NLGN1: variants seen among roughly 807,000 people sequenced by gnomAD.
The protein encoded by NLGN1 is neuroligin 1.
Under a neutral mutation model 65.5 loss-of-function variants are expected in NLGN1, and 12 were observed. That is an observed-to-expected ratio of 0.18 (90% CI 0.12 to 0.30). The LOEUF (loss-of-function observed/expected upper bound fraction) is 0.30. Among genes scored for constraint, NLGN1 ranks in the 10% least tolerant of loss-of-function variants. The pLI is 1.00. For synonymous variants in NLGN1, 350 were observed against 359.5 expected (o/e 0.97, Z 0.30); for missense variants, 750 against 1,007.1 (o/e 0.74, Z 3.46).
chr3:173,701,715 A>G (rs1767192453), intron 3 of NLGN1, among the ~76,000 whole-genome samples: 6 of 152,194 alleles, frequency 3.9e-5, no homozygotes, highest in Admixed American at 3.9e-4. Flanking sequence ...CACAGCCTTA[A>G]GCTTATGCCT....
intron 4 of NLGN1, chr3:174,136,306 AG>A (rs1264921969): frequency 1.3e-5 from 2 of 152,156 alleles, no homozygotes; most frequent in African/African-American, 4.8e-5. Flanking sequence ...CAGATACTGT[AG>A]GAAATAACTA....
intron 4 of NLGN1, among the ~76,000 whole-genome samples, chr3:173,816,738 T>C (rs1312445886): frequency 6.6e-6 from 1 of 152,236 alleles, no homozygotes; most frequent in Non-Finnish European, 1.5e-5. Flanking sequence ...TTATACTTCA[T>C]AGACATCAAA....
intron 4 of NLGN1, among the ~76,000 whole-genome samples, chr3:174,043,808 T>C (rs1166045804): frequency 1.3e-5 from 2 of 152,198 alleles, no homozygotes; most frequent in Non-Finnish European, 2.9e-5. Flanking sequence ...ACAGCTGCAG[T>C]AGGCAGTGTC....
chr3:174,003,455 C>T (rs1723707893), intron 4 of NLGN1, among the ~76,000 whole-genome samples: 1 of 152,080 alleles, frequency 6.6e-6, no homozygotes, highest in African/African-American at 2.4e-5. Context: ...ATTGTACACA[C>T]ATTAAAATTT....
intron 4 of NLGN1, among the ~76,000 whole-genome samples, chr3:174,083,960 A>G (rs1742769715): frequency 6.6e-6 from 1 of 152,320 alleles, no homozygotes; most frequent in African/African-American, 2.4e-5. Flanking sequence ...CTGTAGAGGG[A>G]TAAACAGCCT....
At chr3:174,046,053 A>G (rs1733510132) in intron 4 of NLGN1, among the ~76,000 whole-genome samples, 1 of 152,210 alleles carries the variant, frequency 6.6e-6, no homozygotes, top group Non-Finnish European at 1.5e-5. Flanking sequence ...TAGTGTTTCA[A>G]TAATGACCTA....
At chr3:173,597,748 A>C (rs1373735962) in intron 2 of NLGN1, among the ~76,000 whole-genome samples, 5 of 151,786 alleles carry the variant, frequency 3.3e-5, no homozygotes, top group African/African-American at 1.2e-4. Flanking sequence ...CATACACAAA[A>C]ATAGACACTA....
intron 3 of NLGN1, chr3:173,695,538 A>T (rs981094273): frequency 5.7e-6 from 2 of 350,794 alleles, no homozygotes; most frequent in African/African-American, 2.2e-5. Context: ...CAAATTTTTT[A>T]TCTTACTATT....
chr3:174,196,436 A>G (rs1733430440), intron 4 of NLGN1, among the ~76,000 whole-genome samples: 1 of 152,276 alleles, frequency 6.6e-6, no homozygotes, highest in Non-Finnish European at 1.5e-5. Flanking sequence ...GTTAAAATCT[A>G]TTTTCAAAAG....
chr3:173,756,154 T>A (rs1471546324), intron 3 of NLGN1, among the ~76,000 whole-genome samples: 1 of 4,716 alleles, frequency 2.1e-4, no homozygotes, highest in East Asian at 0.25. Context: ...ATTTACACAT[T>A]TTTTTTGTAT....
At chr3:173,982,126 T>C (rs895850571) in intron 4 of NLGN1, among the ~76,000 whole-genome samples, 4 of 152,108 alleles carry the variant, frequency 2.6e-5, no homozygotes, top group Non-Finnish European at 5.9e-5. Flanking sequence ...CTTATGAATA[T>C]AAGATGAAAT....
At chr3:173,753,928 CATAAT>C (rs1553836499) in intron 3 of NLGN1, among the ~76,000 whole-genome samples, 9 of 96,562 alleles carry the variant, frequency 9.3e-5, no homozygotes, top group African/African-American at 4.3e-4. Context: ...CCAGTATCTA[CATAAT>C]ATAATATAAT....
At chr3:173,684,207 A>C (rs1237936416) in intron 3 of NLGN1, among the ~76,000 whole-genome samples, 1 of 152,196 alleles carries the variant, frequency 6.6e-6, no homozygotes, top group East Asian at 1.9e-4. Flanking sequence ...AAGACACAGT[A>C]AGTTTTTTTA....
intron 4 of NLGN1, among the ~76,000 whole-genome samples, chr3:173,841,184 A>T (rs1253205148): frequency 6.6e-6 from 1 of 152,076 alleles, no homozygotes; most frequent in Non-Finnish European, 1.5e-5. Flanking sequence ...TACTAGTCAA[A>T]TGTGACAATT....
chr3:174,171,988 A>G (rs1277980103), intron 4 of NLGN1, among the ~76,000 whole-genome samples: 1 of 152,146 alleles, frequency 6.6e-6, no homozygotes, highest in East Asian at 1.9e-4. Context: ...AAATTCTAAT[A>G]TAATCCTTAG....
chr3:174,002,484 C>T (rs1723494152), intron 4 of NLGN1, among the ~76,000 whole-genome samples: 1 of 152,152 alleles, frequency 6.6e-6, no homozygotes, highest in Non-Finnish European at 1.5e-5. Context: ...TACTTAATGA[C>T]TTGTAATCAG....
At chr3:174,217,435 C>A (rs1388442233) in intron 4 of NLGN1, among the ~76,000 whole-genome samples, 1 of 152,112 alleles carries the variant, frequency 6.6e-6, no homozygotes, top group Non-Finnish European at 1.5e-5. Flanking sequence ...TTATTTCTCA[C>A]AGTTCTAGAG....
Position 174,195,458 on chromosome 3 carries a change from C to T in NLGN1, c.647-79857C>T, listed in dbSNP as rs189676092. 1.3e-3 allele frequency among the ~76,000 whole-genome samples: 193 copies of T among 152,078 alleles called. 2 individuals are homozygous for T. The highest frequency in any genetic ancestry group is 4.2e-3 in the African/African-American group (175 of 41,492). On this transcript the variant is annotated intron_variant, in intron 4 of 6. Coordinates refer to ENST00000457714, the Ensembl canonical transcript of NLGN1. ...AGTTTATTAACTACACTCAAAGAGA[C>T]GATCTGAAAAAACAGACTAATAAAC...
rs1201778108 is a variant in NLGN1 at position 174,279,391 on chromosome 3, C to G, written c.1390C>G (p.Gln464Glu). The change falls in exon 6 of 7, where the codon CAG becomes GAG. Residue 464 changes from glutamine (Q) to glutamate (E), a missense_variant. Gln to Glu is a conservative substitution (Grantham distance 29, BLOSUM62 2). Transcript: ENST00000457714. This position sits in a 1 kb window ranked among gnomAD's most constrained non-coding sequence, Gnocchi z 4.7. Reference sequence around the variant, plus strand: ...ATTACTGGCTTTGTTTACGGACCATCAGTGGGTGGCACCAGCTGTAGCCAC... The same window carrying G: ...ATTACTGGCTTTGTTTACGGACCATGAGTGGGTGGCACCAGCTGTAGCCAC... 6.2e-7 allele frequency: 1 copy of G among 1,613,226 alleles called. No homozygotes were observed. Among genetic ancestry groups the G allele is most frequent in the Non-Finnish European group, 8.5e-7 (1 of 1,179,576 alleles).
Sources: gnomAD v4.1 joint callset for allele counts (sites outside exome capture counted in the v4.1 genomes callset) on GRCh38, gnomAD v4.1.1 for gene constraint, Gnocchi (gnomAD v3.1) non-coding constraint, MANE v1.5 for transcripts, NCBI Gene and HGNC (gene_info 2026-07-23, HGNC 2026-07-21) for gene names.